GABRG3: variants seen among roughly 807,000 people sequenced by gnomAD.
The protein encoded by GABRG3 is gamma-aminobutyric acid receptor subunit gamma-3.
Under a neutral mutation model 48.8 loss-of-function variants are expected in GABRG3, and 25 were observed. That is an observed-to-expected ratio of 0.51 (90% CI 0.37 to 0.72). The LOEUF is 0.72. Ranked by LOEUF, GABRG3 falls within the 30% of genes least tolerant of loss-of-function variation. The pLI is 0.00. For synonymous variants in GABRG3, 227 were observed against 217.6 expected (o/e 1.04, Z -0.38); for missense variants, 394 against 577.9 (o/e 0.68, Z 3.26).
chr15:27,150,982 G>T (rs943641909), intron 3 of GABRG3, among the ~76,000 whole-genome samples: 4 of 152,172 alleles, frequency 2.6e-5, no homozygotes, highest in Non-Finnish European at 5.9e-5. Context: ...CAAATTTACT[G>T]ATTTTTCCCA....
intron 3 of GABRG3, among the ~76,000 whole-genome samples, chr15:27,206,396 A>G (rs1888852359): frequency 6.6e-6 from 1 of 151,788 alleles, no homozygotes; most frequent in Non-Finnish European, 1.5e-5. Context: ...TTCTATTTTT[A>G]TTGTGCTGTG....
At chr15:27,403,915 A>C (rs1227971489) in intron 5 of GABRG3, among the ~76,000 whole-genome samples, 29 of 81,206 alleles carry the variant, frequency 3.6e-4, no homozygotes, top group East Asian at 3.5e-3. Context: ...AAAAAAAAAC[A>C]AAAAAAAAAA....
intron 5 of GABRG3, among the ~76,000 whole-genome samples, chr15:27,410,845 C>CGCGTGTGT (rs1555378981): frequency 7.0e-6 from 1 of 143,630 alleles, no homozygotes; most frequent in African/African-American, 2.6e-5. Context: ...TGCGCACGCT[C>CGCGTGTGT]GTGTGTGTGT....
intron 5 of GABRG3, among the ~76,000 whole-genome samples, chr15:27,444,061 T>C (rs1372060482): frequency 6.6e-6 from 1 of 152,222 alleles, no homozygotes; most frequent in African/African-American, 2.4e-5. Flanking sequence ...TTTCCTTTCT[T>C]GAAATATCAT....
intron 5 of GABRG3, among the ~76,000 whole-genome samples, chr15:27,389,594 T>G (rs1327365931): frequency 6.6e-6 from 1 of 152,238 alleles, no homozygotes; most frequent in Non-Finnish European, 1.5e-5. Flanking sequence ...CCTGATGTTT[T>G]CAGGTAACAT....
chr15:27,267,728 T>G (rs2140471433), intron 3 of GABRG3, among the ~76,000 whole-genome samples: 1 of 152,342 alleles, frequency 6.6e-6, no homozygotes, highest in South Asian at 2.1e-4. Context: ...AGAGTTTTTT[T>G]TAACACAAAA....
intron 3 of GABRG3, among the ~76,000 whole-genome samples, chr15:27,120,411 C>T (rs1164806585): frequency 6.6e-6 from 1 of 152,096 alleles, no homozygotes; most frequent in Non-Finnish European, 1.5e-5. Flanking sequence ...GTTTTTATAA[C>T]TCCTGGTCTA....
chr15:27,284,865 A>G (rs1891556540), intron 3 of GABRG3, among the ~76,000 whole-genome samples: 1 of 152,194 alleles, frequency 6.6e-6, no homozygotes, highest in Admixed American at 6.5e-5. Flanking sequence ...AGAGAAATCA[A>G]CCTATGGAAA....
At chr15:27,094,075 A>G (rs1037935016) in intron 3 of GABRG3, among the ~76,000 whole-genome samples, 11 of 152,226 alleles carry the variant, frequency 7.2e-5, no homozygotes, top group African/African-American at 1.4e-4. Context: ...AGATGCATAT[A>G]GTTACCCTTA....
intron 5 of GABRG3, among the ~76,000 whole-genome samples, chr15:27,394,893 G>C (rs1887254706): frequency 6.6e-6 from 1 of 151,916 alleles, no homozygotes; most frequent in Non-Finnish European, 1.5e-5. Flanking sequence ...CTTTGTCATT[G>C]TCTTCTGTCA....
At chr15:27,336,237 G>GAGAGAGAA (rs1566792015) in intron 5 of GABRG3, among the ~76,000 whole-genome samples, 1 of 143,426 alleles carries the variant, frequency 7.0e-6, no homozygotes, top group African/African-American at 2.8e-5. Flanking sequence ...AGAGAGAGGA[G>GAGAGAGAA]AAGAAAAGAA....
intron 5 of GABRG3, among the ~76,000 whole-genome samples, chr15:27,370,000 T>A (rs1895352847): frequency 6.6e-6 from 1 of 152,106 alleles, no homozygotes; most frequent in Admixed American, 6.5e-5. Flanking sequence ...CGTAGTAGGT[T>A]GGATGCTGAT....
chr15:27,031,922 G>A (rs1044883980), intron 3 of GABRG3, among the ~76,000 whole-genome samples: 4 of 152,154 alleles, frequency 2.6e-5, no homozygotes, highest in South Asian at 2.1e-4. Flanking sequence ...TTTCTCCTGC[G>A]TAAAGTTCAT....
intron 2 of GABRG3, among the ~76,000 whole-genome samples, chr15:26,983,783 A>AATAATTTTAAAAAGAC (rs1185369294): frequency 5.3e-5 from 8 of 152,140 alleles, no homozygotes; most frequent in Non-Finnish European, 8.8e-5. Flanking sequence ...CTAAAAGGAA[A>AATAATTTTAAAAAGAC]ATAATTTTAA....
intron 5 of GABRG3, among the ~76,000 whole-genome samples, chr15:27,335,586 G>A (rs1893937568): frequency 6.6e-6 from 1 of 152,106 alleles, no homozygotes; most frequent in Non-Finnish European, 1.5e-5. Flanking sequence ...ACAAAAAAGG[G>A]ATGAGTACTC....
intron 3 of GABRG3, among the ~76,000 whole-genome samples, chr15:27,159,811 T>A (rs1297015563): frequency 6.6e-6 from 1 of 152,168 alleles, no homozygotes; most frequent in African/African-American, 2.4e-5. Flanking sequence ...CTGCTTACCT[T>A]ATGGGGAGGA....
At chr15:27,343,134 G>A (rs565898253) in intron 5 of GABRG3, among the ~76,000 whole-genome samples, 9 of 152,130 alleles carry the variant, frequency 5.9e-5, no homozygotes, top group South Asian at 2.1e-4. Context: ...GCAGTGCCTC[G>A]GGCTCATCTG....
chr15:27,224,870 T>C (rs918429059), intron 3 of GABRG3, among the ~76,000 whole-genome samples: 1 of 151,702 alleles, frequency 6.6e-6, no homozygotes, highest in Non-Finnish European at 1.5e-5. Flanking sequence ...AAGCATTTCA[T>C]AGCCATTTCT....
Position 26,990,803 on chromosome 15 carries a change from A to ATT in GABRG3, c.202+13671_202+13672dup, listed in dbSNP as rs36038223. Among the ~76,000 whole-genome samples, 1,157 of 129,434 alleles carry ATT rather than the reference A, an allele frequency of 8.9e-3. 15 individuals are homozygous for ATT. Among genetic ancestry groups the ATT allele is most frequent in the African/African-American group, 0.032 (1,108 of 34,618 alleles). 84.9% of individuals were successfully genotyped at this position (129,434 alleles called of 152,430 possible). A position where few individuals can be genotyped will look rare whatever the true frequency, so the allele number is the denominator to read the frequency against. Reference sequence around the variant, plus strand: ...GGATTGAAACCTTTAATCCATTTTGATTTTTTTTTTTTTTTTTTTAAGACA... The same window carrying ATT: ...GGATTGAAACCTTTAATCCATTTTGATTTTTTTTTTTTTTTTTTTTTAAGACA... On this transcript the variant is annotated intron_variant, in intron 2 of 9. Coordinates refer to ENST00000615808, the MANE Select transcript of GABRG3 (RefSeq NM_033223.5).
Sources: allele counts gnomAD v4.1 joint callset (sites outside exome capture counted in the v4.1 genomes callset), GRCh38; gene constraint gnomAD v4.1.1; transcripts MANE v1.5; gene names NCBI Gene and HGNC (gene_info 2026-07-23, HGNC 2026-07-21).